NPAS2: variants seen among roughly 807,000 people sequenced by gnomAD.
NPAS2 encodes the protein neuronal PAS domain-containing protein 2.
NPAS2 carries 23 observed loss-of-function variants against 107.5 expected under a neutral mutation model. That is an observed-to-expected ratio of 0.21 (90% CI 0.15 to 0.30). NPAS2 has a LOEUF of 0.30. Among genes scored for constraint, NPAS2 ranks in the 10% least tolerant of loss-of-function variants. NPAS2 has a pLI of 1.00. For synonymous variants in NPAS2, 403 were observed against 417.5 expected, an observed-to-expected ratio of 0.97 and a Z score of 0.42; for missense variants, 756 against 1,043.3, an observed-to-expected ratio of 0.72 and a Z score of 3.79.
chr2:100,910,875 A>G (rs1273560669), intron 2 of NPAS2, among the ~76,000 whole-genome samples: 1 of 152,112 alleles, frequency 6.6e-6, no homozygotes, highest in African/African-American at 2.4e-5. Flanking sequence ...GAGCCCAGTG[A>G]TGCCCCCAAA....
rs1676341898 is a variant in NPAS2 at position 100,968,177 on chromosome 2, G to T, written c.908-104G>T. On this transcript the variant is annotated intron_variant, in intron 10 of 20. Transcript: ENST00000335681. The surrounding 1 kb of genome is among the most constrained non-coding windows in gnomAD (Gnocchi z 5.3). ...CAACCGGGGAAACAAGCCATGTTTGGTATTGTCTTTTTTTTTGAAAGCTTA... is the reference window on the plus strand; with the variant it reads ...CAACCGGGGAAACAAGCCATGTTTGTTATTGTCTTTTTTTTTGAAAGCTTA... 2 of 1,230,576 alleles carry T rather than the reference G, an allele frequency of 1.6e-6. No individual in the cohort carries two copies. Among genetic ancestry groups the T allele is most frequent in the South Asian group, 1.4e-5 (1 of 71,944 alleles). 76.2% of individuals were successfully genotyped at this position (1,230,576 alleles called of 1,614,324 possible). A position where few individuals can be genotyped will look rare whatever the true frequency, so the allele number is the denominator to read the frequency against.
chr2:100,890,113 G>T (rs1413460356), intron 1 of NPAS2, among the ~76,000 whole-genome samples: 1 of 152,218 alleles, frequency 6.6e-6, no homozygotes, highest in Non-Finnish European at 1.5e-5. Flanking sequence ...TATGAGGTAT[G>T]TAGCTTTGCC....
chr2:100,827,623 G>T (rs1255550698), intron 1 of NPAS2, among the ~76,000 whole-genome samples: 2 of 152,156 alleles, frequency 1.3e-5, no homozygotes, highest in African/African-American at 4.8e-5. Context: ...CCACTTATAA[G>T]TGAGAACATG....
chr2:100,910,714 G>C (rs1682490622), intron 2 of NPAS2, among the ~76,000 whole-genome samples: 1 of 152,074 alleles, frequency 6.6e-6, no homozygotes, highest in South Asian at 2.1e-4. Flanking sequence ...TTTTAGTAGA[G>C]TTGGGGTTTC....
chr2:100,860,052 C>A (rs1678840764), intron 1 of NPAS2, among the ~76,000 whole-genome samples: 1 of 152,210 alleles, frequency 6.6e-6, no homozygotes, highest in Non-Finnish European at 1.5e-5. Context: ...GCTTGGTCCC[C>A]TTTGGAATTC....
chr2:100,866,103 T>A (rs1016843198), intron 1 of NPAS2, among the ~76,000 whole-genome samples: 1 of 152,138 alleles, frequency 6.6e-6, no homozygotes, highest in East Asian at 1.9e-4. Context: ...GGCCACACAC[T>A]CTGCAGGGCC....
intron 1 of NPAS2, among the ~76,000 whole-genome samples, chr2:100,902,563 G>A (rs1300241372): frequency 6.6e-6 from 1 of 152,222 alleles, no homozygotes; most frequent in East Asian, 1.9e-4. Flanking sequence ...AGTGAGTAGG[G>A]AATGGGGACT....
At chr2:100,850,037 A>G (rs929565983) in intron 1 of NPAS2, among the ~76,000 whole-genome samples, 61 of 82,846 alleles carry the variant, frequency 7.4e-4, no homozygotes, top group African/African-American at 2.9e-3. Context: ...AAAAAAAAAA[A>G]GCAAGAGAAA....
intron 2 of NPAS2, among the ~76,000 whole-genome samples, chr2:100,913,835 G>C (rs1478103433): frequency 6.6e-6 from 1 of 152,142 alleles, no homozygotes; most frequent in African/African-American, 2.4e-5. Flanking sequence ...AAACTTGGGG[G>C]TGCTCGATGT....
chr2:100,982,146 T>C, intron 15 of NPAS2, 85 bp from the exon 16 acceptor site: 4 of 1,493,418 alleles, frequency 2.7e-6, no homozygotes, highest in South Asian at 1.2e-5. Flanking sequence ...GGAAATGAAG[T>C]GTACAGACCG....
rs1205509765 is a variant in NPAS2, at chr2:100,820,646, C to T, written c.-23+232C>T. On this transcript the variant is annotated intron_variant, in intron 1 of 20. Transcript: ENST00000335681. The surrounding 1 kb of genome is among the most constrained non-coding windows in gnomAD (Gnocchi z 5.6). The stretch of plus-strand genomic sequence containing the variant: ...CGCGTCCTGCAGGAGGTAGCAATCG[C>T]TGGGCCGGTGGGCTCCGGGCGCGTC... 6.6e-6 allele frequency among the ~76,000 whole-genome samples: 1 copy of T among 152,126 alleles called. No individual in the cohort carries two copies. Among genetic ancestry groups the T allele is most frequent in the Non-Finnish European group, 1.5e-5 (1 of 68,002 alleles).
intron 16 of NPAS2, chr2:100,983,221 G>C (rs994371444): frequency 2.0e-5 from 3 of 152,280 alleles, no homozygotes; most frequent in African/African-American, 4.8e-5. Flanking sequence ...CTGGAGCACT[G>C]TCCCTGTTGC....
At chr2:100,929,751 G>A (rs1683820071) in intron 3 of NPAS2, among the ~76,000 whole-genome samples, 1 of 152,186 alleles carries the variant, frequency 6.6e-6, no homozygotes, top group African/African-American at 2.4e-5. Context: ...GTAAGGCCCA[G>A]GCATCAGCAT....
At chr2:100,831,896 A>T (rs552609202) in intron 1 of NPAS2, among the ~76,000 whole-genome samples, 2 of 152,018 alleles carry the variant, frequency 1.3e-5, no homozygotes, top group African/African-American at 4.8e-5. Context: ...TGGCTTTTCT[A>T]TTCTCTCAAA....
intron 4 of NPAS2, chr2:100,934,705 G>A: frequency 1.3e-6 from 1 of 780,088 alleles, no homozygotes; most frequent in Non-Finnish European, 1.6e-6. Context: ...AGTGCTGAGT[G>A]ACTGGAGCCT....
chr2:100,819,469 G>A (rs535701796), upstream of NPAS2, among the ~76,000 whole-genome samples: 97 of 150,696 alleles, frequency 6.4e-4, no homozygotes, highest in Middle Eastern at 6.8e-3. The surrounding 1 kb of genome is among the most constrained non-coding windows in gnomAD (Gnocchi z 5.8). Context: ...CCCGACCCCC[G>A]CCTCCCACCT....
intron 1 of NPAS2, among the ~76,000 whole-genome samples, chr2:100,882,578 G>A (rs562384703): frequency 3.0e-4 from 45 of 152,114 alleles, no homozygotes; most frequent in South Asian, 1.0e-3. Context: ...GCACCACTGC[G>A]CTCCAGCCTG....
chr2:100,969,312 T>G (rs1407095037), intron 11 of NPAS2, among the ~76,000 whole-genome samples: 1 of 152,140 alleles, frequency 6.6e-6, no homozygotes, highest in Non-Finnish European at 1.5e-5. Context: ...AAGCCCTACA[T>G]GCATTAGGTA....
intron 1 of NPAS2, among the ~76,000 whole-genome samples, chr2:100,846,319 C>A (rs931243692): frequency 6.6e-6 from 1 of 152,064 alleles, no homozygotes; most frequent in Non-Finnish European, 1.5e-5. Flanking sequence ...ACATAAAATG[C>A]GCTTAAAGTA....
Sources: allele counts gnomAD v4.1 joint callset (sites outside exome capture counted in the v4.1 genomes callset), GRCh38; gene constraint gnomAD v4.1.1; non-coding constraint Gnocchi (gnomAD v3.1); transcripts MANE v1.5; gene names NCBI Gene and HGNC (gene_info 2026-07-23, HGNC 2026-07-21).